Variants in LRFN2 observed in about 807,000 individuals in gnomAD.
The protein encoded by LRFN2 is leucine-rich repeat and fibronectin type-III domain-containing protein 2.
Under a neutral mutation model 37.3 loss-of-function variants are expected in LRFN2, and 18 were observed. The observed-to-expected ratio is 0.48, with a 90% CI of 0.33 to 0.72. The LOEUF is 0.72. Among genes scored for constraint, LRFN2 ranks in the 30% least tolerant of loss-of-function variants. The pLI, the probability that LRFN2 is intolerant of heterozygous loss-of-function variation, is 0.02. For synonymous variants in LRFN2, 556 were observed against 466.6 expected (o/e 1.19, Z -2.47); for missense variants, 1,006 against 1,060.7 (o/e 0.95, Z 0.72).
intron 1 of LRFN2, among the ~76,000 whole-genome samples, chr6:40,522,112 GGC>G (rs1766092566): frequency 6.6e-6 from 1 of 152,154 alleles, no homozygotes; most frequent in Non-Finnish European, 1.5e-5. Context: ...CCAGCTGCAA[GGC>G]ATACTGGGAG....
chr6:40,479,793 T>G (rs1386841557), intron 1 of LRFN2, among the ~76,000 whole-genome samples: 2 of 152,336 alleles, frequency 1.3e-5, no homozygotes, highest in Non-Finnish European at 2.9e-5. Flanking sequence ...TTTGGGGGTT[T>G]GAAGACCATG....
At chr6:40,580,931 G>A (rs1279460721) in intron 1 of LRFN2, among the ~76,000 whole-genome samples, 3 of 152,214 alleles carry the variant, frequency 2.0e-5, no homozygotes, top group Non-Finnish European at 4.4e-5. Flanking sequence ...AAATGTATGT[G>A]TGTATAAGTA....
At chr6:40,441,424 C>T (rs963295235) in intron 1 of LRFN2, among the ~76,000 whole-genome samples, 31 of 152,108 alleles carry the variant, frequency 2.0e-4, no homozygotes, top group African/African-American at 5.5e-4. Context: ...GGTGAGTGAA[C>T]GGGTGTGTCT....
chr6:40,407,335 G>A (rs967277836), intron 2 of LRFN2, among the ~76,000 whole-genome samples: 1 of 151,922 alleles, frequency 6.6e-6, no homozygotes, highest in Non-Finnish European at 1.5e-5. Flanking sequence ...GACTCAGACA[G>A]AAATCTCTCT....
chr6:40,412,675 G>C (rs1181171287), intron 2 of LRFN2, among the ~76,000 whole-genome samples: 1 of 152,188 alleles, frequency 6.6e-6, no homozygotes, highest in Non-Finnish European at 1.5e-5. Flanking sequence ...ACTCATCCAA[G>C]AAATGTTTGT....
intron 2 of LRFN2, among the ~76,000 whole-genome samples, chr6:40,404,400 A>G (rs1487102686): frequency 6.6e-6 from 1 of 152,244 alleles, no homozygotes; most frequent in African/African-American, 2.4e-5. Context: ...CTTGCAAATG[A>G]AATGAATATT....
intron 1 of LRFN2, among the ~76,000 whole-genome samples, chr6:40,466,715 A>T (rs1163382627): frequency 6.6e-6 from 1 of 152,076 alleles, no homozygotes; most frequent in East Asian, 1.9e-4. Context: ...CCCTGCCTTA[A>T]TTTTTTAGCC....
chr6:40,570,646 T>C (rs1767171576), intron 1 of LRFN2, among the ~76,000 whole-genome samples: 1 of 152,152 alleles, frequency 6.6e-6, no homozygotes, highest in Non-Finnish European at 1.5e-5. Context: ...GAAGCTGCTC[T>C]TAGTGAGAGC....
In LRFN2 at chr6:40,536,775, T is replaced by C. The variant is rs138652261; in HGVS notation, c.-19+50166A>G. Among the ~76,000 whole-genome samples the C allele has an allele frequency of 5.3e-3, 808 of 152,228 alleles. 5 individuals carry two copies. The highest frequency in any genetic ancestry group is 0.018 in the African/African-American group (766 of 41,540). ...TTGCCAGACAGAGGGCAGCTCAGAATCTGCAGATCAGAGGGTGTGGAGCCT... is the reference window on the plus strand; with the variant it reads ...TTGCCAGACAGAGGGCAGCTCAGAACCTGCAGATCAGAGGGTGTGGAGCCT... On this transcript the variant is annotated intron_variant, in intron 1 of 2. Transcript: ENST00000338305.
intron 1 of LRFN2, among the ~76,000 whole-genome samples, chr6:40,584,652 A>G (rs959353748): frequency 2.2e-4 from 33 of 152,130 alleles, no homozygotes; most frequent in African/African-American, 7.5e-4. Context: ...TCTGAAAACA[A>G]TTAATTCCAA....
chr6:40,480,837 A>G (rs1172165119), intron 1 of LRFN2, among the ~76,000 whole-genome samples: 1 of 152,192 alleles, frequency 6.6e-6, no homozygotes, highest in African/African-American at 2.4e-5. Flanking sequence ...ATTAAATGGT[A>G]GCTATTATTT....
chr6:40,542,519 G>C (rs79796764), intron 1 of LRFN2, among the ~76,000 whole-genome samples: 2,307 of 152,060 alleles, frequency 0.015, 60 homozygotes, highest in African/African-American at 0.052. Flanking sequence ...TCAATCAGCA[G>C]CCCTGGGCAG....
Position 40,432,755 on chromosome 6 carries a change from AG to A in LRFN2, c.358del (p.Leu120SerfsTer12). 1 of 1,614,152 alleles carries A rather than the reference AG, an allele frequency of 6.2e-7. No individual in the cohort carries two copies. Among genetic ancestry groups the A allele is most frequent in the Non-Finnish European group, 8.5e-7 (1 of 1,180,018 alleles). On this transcript the variant is annotated frameshift_variant, in exon 2 of 3. Coordinates refer to ENST00000338305, the MANE Select transcript of LRFN2 (RefSeq NM_020737.3). LOFTEE classifies it high-confidence loss of function. Reference protein sequence around the residue: ...NRLPSLGEDTLRGLVNLQHLI... With the variant: ...NRLPSLGEDTXRGLVNLQHLI... ...GTGCTGCAGGTTGACCAGGCCCCGGAGGGTGTCCTCCCCAAGGCTTGGCAGC... is the reference window on the plus strand; with the variant it reads ...GTGCTGCAGGTTGACCAGGCCCCGGAGGTGTCCTCCCCAAGGCTTGGCAGC...
intron 1 of LRFN2, among the ~76,000 whole-genome samples, chr6:40,509,421 A>G (rs1252010492): frequency 1.3e-5 from 2 of 152,268 alleles, no homozygotes; most frequent in African/African-American, 4.8e-5. Context: ...CAGCAGCTCA[A>G]TGTAGTGGGT....
chr6:40,401,627 C>A (rs758928945), intron 2 of LRFN2, among the ~76,000 whole-genome samples: 14 of 152,082 alleles, frequency 9.2e-5, no homozygotes, highest in Non-Finnish European at 1.6e-4. Flanking sequence ...ATGAAGTGAG[C>A]CTGAAGTATT....
At chr6:40,393,874 C>T (rs1158551137) in intron 2 of LRFN2, among the ~76,000 whole-genome samples, 2 of 152,146 alleles carry the variant, frequency 1.3e-5, no homozygotes, top group African/African-American at 2.4e-5. Flanking sequence ...GGAGGGAGAG[C>T]GTTTGCTGCT....
At chr6:40,418,009 T>C (rs1200757613) in intron 2 of LRFN2, among the ~76,000 whole-genome samples, 2 of 152,178 alleles carry the variant, frequency 1.3e-5, no homozygotes, top group African/African-American at 4.8e-5. Flanking sequence ...GCCAGTCTCC[T>C]ACTTTCAAAT....
At chr6:40,405,956 G>C (rs540478755) in intron 2 of LRFN2, among the ~76,000 whole-genome samples, 2 of 152,292 alleles carry the variant, frequency 1.3e-5, no homozygotes, top group East Asian at 3.9e-4. Context: ...AGATGCAGCT[G>C]CCAGGCAAGG....
At chr6:40,427,181 A>G (rs1408295470) in intron 2 of LRFN2, among the ~76,000 whole-genome samples, 2 of 152,248 alleles carry the variant, frequency 1.3e-5, no homozygotes, top group Non-Finnish European at 2.9e-5. Context: ...GTAGTTATCA[A>G]TCTTAATTAG....
Sources: gnomAD v4.1 joint callset for allele counts (sites outside exome capture counted in the v4.1 genomes callset) on GRCh38, gnomAD v4.1.1 for gene constraint, MANE v1.5 for transcripts, NCBI Gene and HGNC (gene_info 2026-07-23, HGNC 2026-07-21) for gene names.